Variants in ADGRL2 observed in about 807,000 individuals in gnomAD.
ADGRL2 encodes calcium-independent alpha-latrotoxin receptor 2.
Under a neutral mutation model 157.4 loss-of-function variants are expected in ADGRL2, and 44 were observed. The observed-to-expected ratio is 0.28, with a 90% CI of 0.22 to 0.36. The LOEUF (loss-of-function observed/expected upper bound fraction) is 0.36, where lower values mean the gene tolerates loss of function less well. Ranked by LOEUF, ADGRL2 falls within the 10% of genes least tolerant of loss-of-function variation. The probability of loss-of-function intolerance (pLI) is 1.00; values close to 1 mark genes in which losing one functional copy is unlikely to be tolerated. For missense variants in ADGRL2, 1,510 were observed against 1,768.9 expected (o/e 0.85, Z 2.63); for synonymous variants, 585 against 624.7 (o/e 0.94, Z 0.95).
chr1:81,818,015 T>A (rs201028221), intron 1 of ADGRL2, among the ~76,000 whole-genome samples: 3 of 86,254 alleles, frequency 3.5e-5, no homozygotes, highest in Non-Finnish European at 5.4e-5. Context: ...ATTAAAAAAA[T>A]AAATAAATAA....
At chr1:81,485,401 G>T (rs1395743112) in intron 2 of ADGRL2, among the ~76,000 whole-genome samples, 1 of 151,988 alleles carries the variant, frequency 6.6e-6, no homozygotes, top group Non-Finnish European at 1.5e-5. Flanking sequence ...TTTTGAACAT[G>T]TTTATGATAA....
chr1:81,957,548 A>C (rs997796467), intron 11 of ADGRL2, among the ~76,000 whole-genome samples: 6 of 152,038 alleles, frequency 3.9e-5, no homozygotes, highest in Non-Finnish European at 5.9e-5. Context: ...AAAATACGCC[A>C]AGAAAAAAAA....
chr1:81,971,748 A>C, intron 16 of ADGRL2, 104 bp from the exon 17 acceptor site: 1 of 608,360 alleles, frequency 1.6e-6, no homozygotes, highest in Non-Finnish European at 2.9e-6. Flanking sequence ...TCAAAGGCAA[A>C]TGTAAAGATA....
At chr1:81,772,971 C>G (rs989843796) in intron 2 of ADGRL2, among the ~76,000 whole-genome samples, 1 of 152,070 alleles carries the variant, frequency 6.6e-6, no homozygotes, top group Non-Finnish European at 1.5e-5. Flanking sequence ...GCCCAAATCT[C>G]CAGGACTTTC....
At chr1:81,828,457 A>G (rs12022861) in intron 1 of ADGRL2, among the ~76,000 whole-genome samples, 34,331 of 152,056 alleles carry the variant, frequency 0.23, 5,249 homozygotes, top group East Asian at 0.68. Flanking sequence ...AGTAGCAATA[A>G]TAAGTGATAT....
chr1:81,621,996 C>T (rs1056244332), intron 3 of ADGRL2, among the ~76,000 whole-genome samples: 2 of 152,096 alleles, frequency 1.3e-5, no homozygotes, highest in African/African-American at 4.8e-5. Context: ...AAAGCCTCTC[C>T]GTCTTCAGTT....
At chr1:81,596,039 C>A (rs540698341) in intron 3 of ADGRL2, 406 of 323,014 alleles carry the variant, frequency 1.3e-3, no homozygotes, top group Admixed American at 3.4e-3. Context: ...GGCCTCTACC[C>A]TCATGACCTA....
intron 2 of ADGRL2, among the ~76,000 whole-genome samples, chr1:81,578,799 A>T (rs1213391206): frequency 6.6e-6 from 1 of 152,148 alleles, no homozygotes; most frequent in Admixed American, 6.6e-5. Context: ...AACCAAAGTG[A>T]TACAGTTCAT....
At chr1:81,460,476 G>T (rs371087578) in intron 2 of ADGRL2, among the ~76,000 whole-genome samples, 1 of 151,954 alleles carries the variant, frequency 6.6e-6, no homozygotes, top group Non-Finnish European at 1.5e-5. Flanking sequence ...TAAAAAAATT[G>T]CATAATTTTA....
intron 3 of ADGRL2, among the ~76,000 whole-genome samples, chr1:81,645,271 A>T (rs1031776112): frequency 3.3e-5 from 5 of 151,874 alleles, no homozygotes; most frequent in African/African-American, 1.2e-4. Flanking sequence ...GCGTGCCTGT[A>T]GTCCTAGCTA....
At chr1:81,651,819 C>T (rs183397467) in intron 3 of ADGRL2, among the ~76,000 whole-genome samples, 3 of 152,190 alleles carry the variant, frequency 2.0e-5, no homozygotes, top group Admixed American at 1.3e-4. Flanking sequence ...TTGTAACCTC[C>T]AACTCCTGGG....
intron 2 of ADGRL2, among the ~76,000 whole-genome samples, chr1:81,524,738 A>G (rs1054376925): frequency 2.0e-5 from 3 of 152,156 alleles, no homozygotes; most frequent in Non-Finnish European, 4.4e-5. Context: ...ATGTTTTTAA[A>G]ATGGAGTTTG....
chr1:81,987,207 T>A lies in ADGRL2; in HGVS notation c.3637+178T>A, dbSNP rs2149504098. ...CTTCTAAAACTGCACTATATTATAGTAAAAGCTCAGTCATGATAGTATTTA... is the reference window on the plus strand; with the variant it reads ...CTTCTAAAACTGCACTATATTATAGAAAAAGCTCAGTCATGATAGTATTTA... On this transcript the variant is annotated intron_variant, in intron 22 of 23. Coordinates refer to ENST00000686636, the MANE Select transcript of ADGRL2 (RefSeq NM_001366006.2). The A allele has an allele frequency of 3.0e-6, 4 of 1,349,864 alleles. No homozygotes were observed. In the Admixed American group the frequency reaches 6.1e-5, roughly 21 times the overall value. 83.6% of individuals were successfully genotyped at this position (1,349,864 alleles called of 1,614,324 possible). A position where few individuals can be genotyped will look rare whatever the true frequency, so the allele number is the denominator to read the frequency against.
In ADGRL2 at chr1:81,884,749, A is replaced by T. The variant is rs36074946; in HGVS notation, c.74-22268A>T. ...CTGAGTTTAAGTAAATAAAACAGAA[A>T]TAATGAATATATAGAATCATGACCC... On this transcript the variant is annotated intron_variant, in intron 2 of 23. Transcript: ENST00000686636. Among the ~76,000 whole-genome samples the T allele has an allele frequency of 2.6e-5, 4 of 152,218 alleles. No individual in the cohort carries two copies. In the East Asian group the frequency reaches 7.7e-4, roughly 29 times the overall value.
At chr1:81,804,251 G>A (rs1225410203) in intron 1 of ADGRL2, among the ~76,000 whole-genome samples, 2 of 152,146 alleles carry the variant, frequency 1.3e-5, no homozygotes, top group Non-Finnish European at 2.9e-5. Context: ...ATAAATTTAT[G>A]CATAATAGAA....
chr1:81,480,377 A>G (rs1465867815), intron 2 of ADGRL2, among the ~76,000 whole-genome samples: 2 of 152,202 alleles, frequency 1.3e-5, no homozygotes, highest in African/African-American at 4.8e-5. Flanking sequence ...AAAAATATAG[A>G]TGCCTAGTCT....
chr1:81,606,049 T>A, intron 3 of ADGRL2, among the ~76,000 whole-genome samples: 1 of 152,186 alleles, frequency 6.6e-6, no homozygotes, highest in Non-Finnish European at 1.5e-5. Context: ...CACTGTACTG[T>A]CTTAACTCCC....
chr1:81,724,289 C>A (rs2084435630), intron 1 of ADGRL2, among the ~76,000 whole-genome samples: 3 of 152,080 alleles, frequency 2.0e-5, no homozygotes, highest in Admixed American at 1.3e-4. Context: ...GTTGTTTGGT[C>A]TTCTACTTAG....
chr1:81,680,088 C>G (rs1375017438), intron 3 of ADGRL2, among the ~76,000 whole-genome samples: 2 of 152,136 alleles, frequency 1.3e-5, no homozygotes, highest in Non-Finnish European at 2.9e-5. Flanking sequence ...CACCATGAAC[C>G]GAGGCAGCAC....
Sources: allele counts gnomAD v4.1 joint callset (sites outside exome capture counted in the v4.1 genomes callset), GRCh38; gene constraint gnomAD v4.1.1; transcripts MANE v1.5; gene names NCBI Gene and HGNC (gene_info 2026-07-23, HGNC 2026-07-21).